Variants in CSMD1 observed in about 807,000 individuals in gnomAD.
CSMD1 encodes the protein CUB and Sushi multiple domains 1.
CSMD1 carries 213 observed loss-of-function variants against 417.5 expected under a neutral mutation model. That is an observed-to-expected ratio of 0.51 (90% CI 0.46 to 0.57). The LOEUF (loss-of-function observed/expected upper bound fraction) is 0.57. Among genes scored for constraint, CSMD1 ranks in the 20% least tolerant of loss-of-function variants. CSMD1 has a pLI of 0.00. For synonymous variants in CSMD1, 2,862 were observed against 1,736.8 expected (o/e 1.65, Z -16.11); for missense variants, 6,923 against 4,529.7 (o/e 1.53, Z -15.17).
intron 8 of CSMD1, among the ~76,000 whole-genome samples, chr8:3,604,408 G>A (rs553960775): frequency 6.6e-6 from 1 of 152,108 alleles, no homozygotes; most frequent in Admixed American, 6.5e-5. Context: ...TCTCTGGTCA[G>A]TATATAACAC....
chr8:3,506,175 A>T, intron 10 of CSMD1, among the ~76,000 whole-genome samples: 1 of 151,894 alleles, frequency 6.6e-6, no homozygotes, highest in East Asian at 1.9e-4. Flanking sequence ...AAACTCAAGG[A>T]CTCTGAACAC....
At chr8:4,884,460 T>C (rs1298175910) in intron 1 of CSMD1, among the ~76,000 whole-genome samples, 1 of 152,072 alleles carries the variant, frequency 6.6e-6, no homozygotes, top group Non-Finnish European at 1.5e-5. Context: ...GCTTTCTACA[T>C]GCCTGTAGAG....
intron 12 of CSMD1, among the ~76,000 whole-genome samples, chr8:3,435,063 G>T (rs1814461500): frequency 6.6e-6 from 1 of 152,104 alleles, no homozygotes; most frequent in South Asian, 2.1e-4. Context: ...GCCCCTGGTG[G>T]GAGCTGCTAC....
chr8:3,097,130 A>C (rs1815363034), intron 46 of CSMD1, 93 bp from the exon 47 acceptor site: 1 of 1,057,302 alleles, frequency 9.5e-7, no homozygotes, highest in African/African-American at 1.6e-5. Context: ...AAGTCAATGA[A>C]AGGAAAAAGC....
chr8:3,398,492 C>G (rs1020586685), intron 16 of CSMD1, among the ~76,000 whole-genome samples: 7 of 152,092 alleles, frequency 4.6e-5, no homozygotes, highest in Non-Finnish European at 1.0e-4. Context: ...AAAAACCTTT[C>G]CTGTGTTGAT....
intron 1 of CSMD1, among the ~76,000 whole-genome samples, chr8:4,945,570 G>C (rs149721760): frequency 1.3e-5 from 2 of 151,148 alleles, no homozygotes; most frequent in African/African-American, 4.9e-5. Flanking sequence ...AAAAAATAAA[G>C]ACAAGAATAG....
chr8:4,868,759 T>G (rs1053509982), intron 1 of CSMD1, among the ~76,000 whole-genome samples: 2 of 141,980 alleles, frequency 1.4e-5, no homozygotes, highest in African/African-American at 5.2e-5. Context: ...CTGTCAAATA[T>G]TGGCTGTGTA....
intron 52 of CSMD1, among the ~76,000 whole-genome samples, chr8:3,014,064 A>T (rs1438718824): frequency 6.6e-6 from 1 of 152,158 alleles, no homozygotes; most frequent in East Asian, 1.9e-4. Flanking sequence ...CTACTCTGAG[A>T]AAAATTTTAC....
chr8:4,219,872 T>C (rs1410390269), intron 3 of CSMD1, among the ~76,000 whole-genome samples: 1 of 152,144 alleles, frequency 6.6e-6, no homozygotes, highest in East Asian at 1.9e-4. Context: ...AAAGACAAAA[T>C]CTCGAATTAA....
intron 5 of CSMD1, among the ~76,000 whole-genome samples, chr8:3,900,886 C>T (rs1230743760): frequency 6.6e-6 from 1 of 152,180 alleles, no homozygotes; most frequent in Non-Finnish European, 1.5e-5. Context: ...CGTGCTCAGG[C>T]GTTTGCTTGA....
chr8:4,241,819 T>C (rs28368910), intron 3 of CSMD1, among the ~76,000 whole-genome samples: 36,779 of 151,862 alleles, frequency 0.24, 5,540 homozygotes, highest in Non-Finnish European at 0.34. Flanking sequence ...CACGCCATTC[T>C]CCTGTCTCAG....
chr8:4,489,822 C>T (rs1203292558), intron 2 of CSMD1, among the ~76,000 whole-genome samples: 1 of 152,158 alleles, frequency 6.6e-6, no homozygotes, highest in Non-Finnish European at 1.5e-5. Flanking sequence ...AGTCAGGCTG[C>T]CACCTGACTT....
At chr8:4,427,656 C>A (rs760949525) in intron 2 of CSMD1, among the ~76,000 whole-genome samples, 1 of 152,066 alleles carries the variant, frequency 6.6e-6, no homozygotes, top group Admixed American at 6.6e-5. Context: ...TATACGTTAA[C>A]TTTTGGCCTC....
intron 33 of CSMD1, among the ~76,000 whole-genome samples, chr8:3,196,479 C>A (rs1414573534): frequency 6.6e-6 from 1 of 152,138 alleles, no homozygotes; most frequent in Non-Finnish European, 1.5e-5. Flanking sequence ...GCGCGAGATC[C>A]AAGAACCTCT....
At chr8:3,917,297 G>A (rs904173723) in intron 5 of CSMD1, among the ~76,000 whole-genome samples, 2 of 152,150 alleles carry the variant, frequency 1.3e-5, no homozygotes, top group Non-Finnish European at 2.9e-5. Flanking sequence ...ATTAGGTGAT[G>A]CGTTGGGAGT....
chr8:4,740,675 G>C (rs1315391141), intron 1 of CSMD1, among the ~76,000 whole-genome samples: 3 of 152,286 alleles, frequency 2.0e-5, no homozygotes, highest in East Asian at 1.9e-4. Context: ...AAGAGGATGA[G>C]AATCTACTCA....
At chr8:4,019,240 G>A (rs1024409615) in intron 4 of CSMD1, among the ~76,000 whole-genome samples, 9 of 152,216 alleles carry the variant, frequency 5.9e-5, no homozygotes, top group African/African-American at 1.7e-4. Flanking sequence ...AGTTAGGTCA[G>A]AGGCACTCTC....
rs143669588 is a variant in CSMD1, at chr8:4,883,211, C to G, written c.85+111121G>C. Among the ~76,000 whole-genome samples the G allele has an allele frequency of 3.9e-5, 6 of 152,054 alleles. No homozygotes were observed. In the East Asian group the frequency reaches 1.2e-3, roughly 29 times the overall value. ...GAATGCTAGCAGAACATGACGTCTA[C>G]CAGAGCAACATGGTTGATTTCTAAC... is the stretch of plus-strand genomic sequence containing the variant. On this transcript the variant is annotated intron_variant, in intron 1 of 69. Transcript: ENST00000635120.
intron 3 of CSMD1, among the ~76,000 whole-genome samples, chr8:4,169,923 G>A (rs111969892): frequency 2.7e-5 from 4 of 149,730 alleles, no homozygotes; most frequent in Admixed American, 6.6e-5. Context: ...ATTATAGAAC[G>A]TAACTCAGAA....
Sources: allele counts gnomAD v4.1 joint callset (sites outside exome capture counted in the v4.1 genomes callset), GRCh38; gene constraint gnomAD v4.1.1; transcripts MANE v1.5; gene names NCBI Gene and HGNC (gene_info 2026-07-23, HGNC 2026-07-21).